The following ATP6V1A variants were observed in gnomAD, a reference collection of about 807,000 sequenced individuals.
The protein encoded by ATP6V1A is ATPase H+ transporting V1 subunit A, also known as V-type proton ATPase catalytic subunit A.
ATP6V1A carries 18 observed loss-of-function variants against 70.1 expected under a neutral mutation model. The ratio of observed to expected loss-of-function variants is 0.26; its 90% CI spans 0.18 to 0.38. The LOEUF (loss-of-function observed/expected upper bound fraction) is 0.38. Ranked by LOEUF, ATP6V1A falls within the 10% of genes least tolerant of loss-of-function variation. The pLI is 1.00. For missense variants in ATP6V1A, 424 were observed against 772.4 expected (o/e 0.55, Z 5.35); for synonymous variants, 232 against 253.8 (o/e 0.91, Z 0.82).
In ATP6V1A at chr3:113,771,727, G is replaced by A. The variant is rs182361480; in HGVS notation, c.-13-7014G>A. Among the ~76,000 whole-genome samples, 7 of 152,072 alleles carry A rather than the reference G, an allele frequency of 4.6e-5. No individual in the cohort carries two copies. In the East Asian group the frequency reaches 1.2e-3, roughly 25 times the overall value. On this transcript the variant is annotated intron_variant, in intron 1 of 14. Transcript: ENST00000273398. The stretch of plus-strand genomic sequence containing the variant: ...GCTGGGATTACAGGCATGACCCACC[G>A]CGCCCGGCCTCTTTTTTTCTTTAGT...
intron 1 of ATP6V1A, among the ~76,000 whole-genome samples, chr3:113,778,210 G>A (rs569968952): frequency 1.3e-5 from 2 of 152,050 alleles, no homozygotes; most frequent in Admixed American, 6.6e-5. Context: ...CCTGGCCAAC[G>A]TGGCAAAACC....
intron 1 of ATP6V1A, among the ~76,000 whole-genome samples, chr3:113,773,566 C>T (rs925484190): frequency 2.0e-5 from 3 of 152,168 alleles, no homozygotes; most frequent in Non-Finnish European, 2.9e-5. Context: ...CTAATCATTG[C>T]TCATACATTT....
At chr3:113,753,464 C>T (rs1708612052) in intron 1 of ATP6V1A, among the ~76,000 whole-genome samples, 1 of 152,076 alleles carries the variant, frequency 6.6e-6, no homozygotes, top group South Asian at 2.1e-4. Context: ...ATAAAAGCAC[C>T]AGTAAGAGTT....
intron 1 of ATP6V1A, among the ~76,000 whole-genome samples, chr3:113,766,288 C>G (rs1216418478): frequency 6.6e-6 from 1 of 151,916 alleles, no homozygotes; most frequent in South Asian, 2.1e-4. Flanking sequence ...CTCTCTTTCT[C>G]TCTCTCTTTC....
chr3:113,783,858 A>G (rs558187254), intron 3 of ATP6V1A, among the ~76,000 whole-genome samples: 1 of 152,334 alleles, frequency 6.6e-6, no homozygotes, highest in Admixed American at 6.5e-5. Flanking sequence ...GCAAGATTGG[A>G]AAATTATATA....
intron 12 of ATP6V1A, among the ~76,000 whole-genome samples, chr3:113,798,787 T>C (rs1460290370): frequency 6.6e-6 from 1 of 152,178 alleles, no homozygotes; most frequent in Non-Finnish European, 1.5e-5. Context: ...TAATTAGCTA[T>C]TGGCCTTAAA....
chr3:113,749,518 G>T (rs1365311412), intron 1 of ATP6V1A, among the ~76,000 whole-genome samples: 1 of 152,060 alleles, frequency 6.6e-6, no homozygotes, highest in East Asian at 1.9e-4. Context: ...CCACCACTAA[G>T]AATGCTTTCT....
At chr3:113,773,460 A>G (rs1382270499) in intron 1 of ATP6V1A, among the ~76,000 whole-genome samples, 1 of 152,194 alleles carries the variant, frequency 6.6e-6, no homozygotes, top group African/African-American at 2.4e-5. Flanking sequence ...GTTAAAAACT[A>G]TAGAATCATT....
chr3:113,797,949 A>G (rs918112900), intron 11 of ATP6V1A, among the ~76,000 whole-genome samples: 5 of 152,132 alleles, frequency 3.3e-5, no homozygotes, highest in African/African-American at 1.2e-4. Flanking sequence ...CCTAGCCAAC[A>G]TGGTGAAACC....
intron 14 of ATP6V1A, among the ~76,000 whole-genome samples, chr3:113,808,161 A>G (rs560879772): frequency 3.3e-5 from 5 of 151,474 alleles, no homozygotes; most frequent in African/African-American, 1.2e-4. Flanking sequence ...AAAGAAAAGA[A>G]AATTTCCAGT....
intron 3 of ATP6V1A, among the ~76,000 whole-genome samples, chr3:113,781,405 C>T (rs575299147): frequency 3.3e-5 from 5 of 152,064 alleles, no homozygotes; most frequent in African/African-American, 7.2e-5. Context: ...TAATCCCAGC[C>T]GCTTGGGAGG....
intron 12 of ATP6V1A, among the ~76,000 whole-genome samples, chr3:113,799,434 A>G (rs2108041432): frequency 6.6e-6 from 1 of 152,326 alleles, no homozygotes; most frequent in East Asian, 1.9e-4. Context: ...TTAATGTGTT[A>G]AAAGTAATAT....
intron 1 of ATP6V1A, among the ~76,000 whole-genome samples, chr3:113,774,772 C>T (rs2108022386): frequency 6.6e-6 from 1 of 150,986 alleles, no homozygotes; most frequent in Non-Finnish European, 1.5e-5. Flanking sequence ...GAGATTGCAC[C>T]ACTGCACTCC....
In ATP6V1A at chr3:113,798,365, G is replaced by A; in HGVS notation, c.1413G>A (p.Glu471=). 3 of 1,613,946 alleles carry A rather than the reference G, an allele frequency of 1.9e-6. No individual in the cohort carries two copies. Among genetic ancestry groups the A allele is most frequent in the Non-Finnish European group, 2.5e-6 (3 of 1,179,952 alleles). ...LDEYYDKHFT[E]FVPLRTKAKE... Reference sequence around the variant, plus strand: ...AATACTATGACAAACACTTCACAGAGTTCGTTCCTCTGAGGACGAAAGCTA... The same window carrying A: ...AATACTATGACAAACACTTCACAGAATTCGTTCCTCTGAGGACGAAAGCTA... The change falls in exon 12 of 15, where the codon GAG becomes GAA. Residue 471 remains glutamate, a synonymous_variant. Coordinates refer to ENST00000273398, the MANE Select transcript of ATP6V1A (RefSeq NM_001690.4).
intron 1 of ATP6V1A, among the ~76,000 whole-genome samples, chr3:113,753,066 A>T (rs1708605158): frequency 2.0e-5 from 3 of 152,150 alleles, no homozygotes; most frequent in Admixed American, 2.0e-4. Flanking sequence ...GCGGAAAAAA[A>T]GGCTTGAGAT....
At chr3:113,801,561 T>C (rs1709212296) in intron 12 of ATP6V1A, among the ~76,000 whole-genome samples, 1 of 152,190 alleles carries the variant, frequency 6.6e-6, no homozygotes. Context: ...TCTGGATATT[T>C]ATCCCCAAAG....
intron 1 of ATP6V1A, among the ~76,000 whole-genome samples, chr3:113,768,130 AGT>A (rs1167509218): frequency 6.6e-6 from 1 of 152,072 alleles, no homozygotes; most frequent in African/African-American, 2.4e-5. Flanking sequence ...AAAATAGAAG[AGT>A]GTGTGTGTGT....
intron 1 of ATP6V1A, among the ~76,000 whole-genome samples, chr3:113,754,671 A>C (rs1708627037): frequency 6.6e-6 from 1 of 152,220 alleles, no homozygotes; most frequent in East Asian, 1.9e-4. Context: ...TAGAGTGTAG[A>C]GCACATTGCA....
chr3:113,773,590 GT>G (rs377483846), intron 1 of ATP6V1A, among the ~76,000 whole-genome samples: 9 of 152,258 alleles, frequency 5.9e-5, no homozygotes, highest in African/African-American at 2.2e-4. Context: ...GGCATGCACT[GT>G]TTAAGTCTTA....
Sources: allele counts gnomAD v4.1 joint callset (sites outside exome capture counted in the v4.1 genomes callset), GRCh38; gene constraint gnomAD v4.1.1; transcripts MANE v1.5; gene names NCBI Gene and HGNC (gene_info 2026-07-23, HGNC 2026-07-21).